The following RNLS variants were observed in gnomAD, a reference collection of about 807,000 sequenced individuals.
RNLS encodes the protein renalase.
RNLS carries 39 observed loss-of-function variants against 39.8 expected under a neutral mutation model. That is an observed-to-expected ratio of 0.98 (90% CI 0.76 to 1.28). The LOEUF is 1.28. RNLS is among the 50% of genes most tolerant of loss of function. The pLI is 0.00. For synonymous variants in RNLS, 147 were observed against 150.7 expected (o/e 0.98, Z 0.18); for missense variants, 410 against 413.3 (o/e 0.99, Z 0.07).
intron 4 of RNLS, among the ~76,000 whole-genome samples, chr10:88,363,670 A>T (rs1476797272): frequency 6.6e-6 from 1 of 152,182 alleles, no homozygotes; most frequent in Non-Finnish European, 1.5e-5. Flanking sequence ...ATGCAAAGAA[A>T]TAATGTCTGT....
intron 6 of RNLS, among the ~76,000 whole-genome samples, chr10:88,286,150 C>T (rs1466195138): frequency 6.6e-6 from 1 of 152,102 alleles, no homozygotes; most frequent in Non-Finnish European, 1.5e-5. Context: ...ATACATCCTT[C>T]TTCAGTTTCT....
At chr10:88,227,924 T>C in the RNLS span, among the ~76,000 whole-genome samples, 5 of 152,232 alleles carry the variant, frequency 3.3e-5, no homozygotes, top group East Asian at 5.8e-4. Context: ...AGAAGTCTAG[T>C]ACGTGGACTA....
chr10:88,406,411 T>C (rs1853275124), intron 4 of RNLS, among the ~76,000 whole-genome samples: 1 of 152,096 alleles, frequency 6.6e-6, no homozygotes, highest in African/African-American at 2.4e-5. Context: ...AGAGGCTTTG[T>C]TCATATTTTC....
chr10:88,535,397 G>A (rs1370307423), intron 4 of RNLS, among the ~76,000 whole-genome samples: 1 of 151,040 alleles, frequency 6.6e-6, no homozygotes, highest in Non-Finnish European at 1.5e-5. Flanking sequence ...AGGGAAGAAG[G>A]ACTTATTATA....
At chr10:88,567,465 A>T (rs1339335955) in intron 4 of RNLS, among the ~76,000 whole-genome samples, 1 of 152,232 alleles carries the variant, frequency 6.6e-6, no homozygotes, top group Non-Finnish European at 1.5e-5. Context: ...TGTAATTTAC[A>T]GCACAAATGA....
chr10:88,545,612 T>C (rs2134305615), intron 4 of RNLS: 1 of 366,286 alleles, frequency 2.7e-6, no homozygotes, highest in East Asian at 7.7e-5. Context: ...GTGGGGATTA[T>C]GTGAGTTAAA....
intron 4 of RNLS, among the ~76,000 whole-genome samples, chr10:88,379,431 AT>A (rs11305759): frequency 0.88 from 134,004 of 151,510 alleles, 59,441 homozygotes; most frequent in Non-Finnish European, 0.91. Context: ...ATTTCAAATG[AT>A]TTTTTTTTTC....
At chr10:88,350,118 C>T (rs983626490) in intron 5 of RNLS, among the ~76,000 whole-genome samples, 1 of 151,628 alleles carries the variant, frequency 6.6e-6, no homozygotes, top group Non-Finnish European at 1.5e-5. Context: ...TCTCCTTTTC[C>T]CTTCTTCTCA....
intron 4 of RNLS, among the ~76,000 whole-genome samples, chr10:88,468,227 T>G (rs76440128): frequency 1.2e-4 from 19 of 152,222 alleles, no homozygotes; most frequent in South Asian, 4.1e-4. Context: ...CAAAAAATGC[T>G]CTGGGGTGGG....
At chr10:88,406,194 A>G (rs2133672580) in intron 4 of RNLS, among the ~76,000 whole-genome samples, 1 of 152,178 alleles carries the variant, frequency 6.6e-6, no homozygotes, top group African/African-American at 2.4e-5. Context: ...CCTAATGACA[A>G]TGTGCCTAGG....
At chr10:88,469,765 T>C (rs1280330529) in intron 4 of RNLS, among the ~76,000 whole-genome samples, 1 of 151,878 alleles carries the variant, frequency 6.6e-6, no homozygotes, top group Non-Finnish European at 1.5e-5. Flanking sequence ...ACAAAAAATA[T>C]ATGCTGCTCC....
At chr10:88,434,347 C>T (rs1007079199) in intron 4 of RNLS, among the ~76,000 whole-genome samples, 6 of 152,054 alleles carry the variant, frequency 3.9e-5, no homozygotes, top group Non-Finnish European at 8.8e-5. Context: ...GGACCAAGGC[C>T]TAATATAAAC....
chr10:88,214,335 A>G, the RNLS span, among the ~76,000 whole-genome samples: 1 of 152,152 alleles, frequency 6.6e-6, no homozygotes, highest in African/African-American at 2.4e-5. Context: ...CTTTTACTCC[A>G]AAGTCATTTG....
chr10:88,439,200 T>G (rs574139068), intron 4 of RNLS, among the ~76,000 whole-genome samples: 1 of 152,240 alleles, frequency 6.6e-6, no homozygotes, highest in Non-Finnish European at 1.5e-5. Context: ...AGACAGTTAT[T>G]GTTACTGTGG....
the RNLS span, among the ~76,000 whole-genome samples, chr10:88,229,762 A>G: frequency 6.6e-6 from 1 of 152,212 alleles, no homozygotes; most frequent in South Asian, 2.1e-4. Context: ...ACAGACTCAT[A>G]TAATATGTGG....
chr10:88,430,795 A>C (rs530365171), intron 4 of RNLS, among the ~76,000 whole-genome samples: 6 of 151,886 alleles, frequency 4.0e-5, no homozygotes, highest in Non-Finnish European at 5.9e-5. Context: ...AGTTAAATTA[A>C]ATTTTGAATG....
In RNLS at chr10:88,275,033, C is replaced by G; in HGVS notation, c.877-1G>C. On this transcript the variant is annotated splice_acceptor_variant, in intron 6 of 6. Coordinates refer to the RNLS transcript ENST00000371947. LOFTEE classifies it high-confidence loss of function. The stretch of plus-strand genomic sequence containing the variant: ...CTAGAATCACACCAGCACTTGGTAC[C>G]TGAAAATCAAAGGAATATCCTTCAA... The G allele has an allele frequency of 1.2e-6, 2 of 1,612,398 alleles. No individual in the cohort carries two copies. The highest frequency in any genetic ancestry group is 4.5e-5 in the East Asian group (2 of 44,800).
At chr10:88,494,522 T>C (rs1845063529) in intron 4 of RNLS, among the ~76,000 whole-genome samples, 1 of 152,208 alleles carries the variant, frequency 6.6e-6, no homozygotes, top group Non-Finnish European at 1.5e-5. Context: ...TACTTACTTT[T>C]AGAAAATATT....
At chr10:88,466,528 G>T (rs1218215843) in intron 4 of RNLS, among the ~76,000 whole-genome samples, 1 of 152,238 alleles carries the variant, frequency 6.6e-6, no homozygotes, top group East Asian at 1.9e-4. Flanking sequence ...CACAAATTGT[G>T]AATGGGCTTC....
Sources: allele counts gnomAD v4.1 joint callset (sites outside exome capture counted in the v4.1 genomes callset), GRCh38; gene constraint gnomAD v4.1.1; transcripts MANE v1.5; gene names NCBI Gene and HGNC (gene_info 2026-07-23, HGNC 2026-07-21).